The following HNRNPF variants were observed in gnomAD, a reference collection of about 807,000 sequenced individuals.
HNRNPF encodes heterogeneous nuclear ribonucleoprotein F.
HNRNPF carries 2 observed loss-of-function variants against 26.0 expected under a neutral mutation model. The ratio of observed to expected loss-of-function variants is 0.08; its 90% CI spans 0.03 to 0.24. The LOEUF is 0.24. HNRNPF is among the 10% of genes least tolerant of loss of function. HNRNPF has a pLI of 1.00. For synonymous variants in HNRNPF, 234 were observed against 211.5 expected, an observed-to-expected ratio of 1.11 and a Z score of -0.92; for missense variants, 299 against 539.2, an observed-to-expected ratio of 0.55 and a Z score of 4.41.
chr10:43,401,500 TAATA>T (rs904009405), intron 1 of HNRNPF, among the ~76,000 whole-genome samples: 21 of 152,170 alleles, frequency 1.4e-4, no homozygotes, highest in Non-Finnish European at 8.8e-5. Context: ...CTTAAAACGT[TAATA>T]AAAAGCAAAA....
chr10:43,391,548 C>T (rs1326529189), intron 3 of HNRNPF, among the ~76,000 whole-genome samples: 1 of 152,142 alleles, frequency 6.6e-6, no homozygotes, highest in Non-Finnish European at 1.5e-5. Context: ...ACTGTCCTAC[C>T]CCAGCACCCT....
At chr10:43,394,146 A>G (rs1281600983) in intron 3 of HNRNPF, among the ~76,000 whole-genome samples, 3 of 152,222 alleles carry the variant, frequency 2.0e-5, no homozygotes, top group Non-Finnish European at 4.4e-5. Context: ...AGCTGGTCCA[A>G]GATTAGCCAG....
intron 1 of HNRNPF, among the ~76,000 whole-genome samples, chr10:43,398,141 C>G (rs994781498): frequency 3.9e-5 from 6 of 152,020 alleles, no homozygotes; most frequent in African/African-American, 1.5e-4. Context: ...GATTCTCCTG[C>G]CTCAGCCTCC....
intron 1 of HNRNPF, among the ~76,000 whole-genome samples, chr10:43,406,121 AAG>A (rs1333256609): frequency 6.6e-6 from 1 of 152,176 alleles, no homozygotes; most frequent in Non-Finnish European, 1.5e-5. Context: ...AGGACCTAGT[AAG>A]AGTCAACTAA....
At chr10:43,402,174 T>C (rs1838772746) in intron 1 of HNRNPF, among the ~76,000 whole-genome samples, 1 of 152,014 alleles carries the variant, frequency 6.6e-6, no homozygotes, top group African/African-American at 2.4e-5. Context: ...ATTTAAAAGT[T>C]AGTAATGAAT....
At position 43,386,713 on chromosome 10, in the gene HNRNPF, CCACTGTAAGTGG is replaced by C; in HGVS notation, c.1160_1171del (p.Ala387_Ser390del). On this transcript the variant is annotated inframe_deletion, in exon 4 of 4. Coordinates refer to ENST00000682386, the MANE Select transcript of HNRNPF (RefSeq NM_001098204.2). ...GCCACTCACTGACTGGCTCTCCAGG[CCACTGTAAGTGG>C]CCTGGGCAGCAGACACCCCCATGCC... The C allele has an allele frequency of 6.2e-7, 1 of 1,613,888 alleles. No individual in the cohort carries two copies. Among genetic ancestry groups the C allele is most frequent in the Non-Finnish European group, 8.5e-7 (1 of 1,179,970 alleles).
intron 1 of HNRNPF, among the ~76,000 whole-genome samples, chr10:43,407,194 C>G (rs1838947613): frequency 6.6e-6 from 1 of 151,282 alleles, no homozygotes; most frequent in Non-Finnish European, 1.5e-5. Flanking sequence ...GCCCTGACCC[C>G]GGCGCAGGGC....
intron 1 of HNRNPF, among the ~76,000 whole-genome samples, chr10:43,398,588 C>T (rs1838647883): frequency 6.6e-6 from 1 of 152,104 alleles, no homozygotes; most frequent in Non-Finnish European, 1.5e-5. Flanking sequence ...GATCCACCCA[C>T]TTCAGCCTCT....
intron 1 of HNRNPF, among the ~76,000 whole-genome samples, chr10:43,404,458 T>A (rs1838849624): frequency 6.6e-6 from 1 of 152,192 alleles, no homozygotes; most frequent in African/African-American, 2.4e-5. Flanking sequence ...TGATCATTAA[T>A]AGCTGCTGTA....
intron 1 of HNRNPF, among the ~76,000 whole-genome samples, chr10:43,398,361 A>C (rs1431733326): frequency 1.4e-5 from 1 of 73,704 alleles, no homozygotes; most frequent in Non-Finnish European, 2.4e-5. Context: ...TTTTTTTTTG[A>C]GAGACAGTCT....
At chr10:43,403,758 G>A (rs1838825427) in intron 1 of HNRNPF, among the ~76,000 whole-genome samples, 2 of 152,072 alleles carry the variant, frequency 1.3e-5, no homozygotes. Flanking sequence ...CAGCACTTTG[G>A]GAGGCCGAGG....
chr10:43,396,501 G>A lies in HNRNPF; in HGVS notation c.-157C>T, dbSNP rs1000173525. The A allele has an allele frequency of 1.3e-5, 2 of 152,358 alleles. No individual in the cohort carries two copies. The highest frequency in any genetic ancestry group is 1.3e-4 in the Admixed American group (2 of 15,284). 9.4% of individuals were successfully genotyped at this position (152,358 alleles called of 1,614,324 possible). On this transcript the variant is annotated 5_prime_UTR_variant, in exon 2 of 4. Transcript: ENST00000682386. ...GTTTCTGTTGCTACCAGGCAAGCGC[G>A]GCTGGCAGCCAAGAGCCCCGAAATT...
At chr10:43,407,897 C>CGCG (rs1340585874) in intron 1 of HNRNPF, 3 of 152,146 alleles carry the variant, frequency 2.0e-5, no homozygotes, top group African/African-American at 4.8e-5. Context: ...CACGTGAGCG[C>CGCG]GCGGCTTTCA....
chr10:43,391,157 A>G (rs1312980541), intron 3 of HNRNPF, among the ~76,000 whole-genome samples: 4 of 152,108 alleles, frequency 2.6e-5, no homozygotes, highest in African/African-American at 7.2e-5. Context: ...GCCGGGCGTG[A>G]TGGTGGGCAC....
chr10:43,405,639 AG>A (rs1838891624), intron 1 of HNRNPF, among the ~76,000 whole-genome samples: 1 of 151,578 alleles, frequency 6.6e-6, no homozygotes, highest in African/African-American at 2.4e-5. Context: ...CTGGGTGACA[AG>A]AGCAAGATTC....
intron 1 of HNRNPF, 98 bp downstream of exon 1, chr10:43,409,033 T>C (rs953612695): frequency 1.3e-5 from 2 of 152,066 alleles, no homozygotes; most frequent in African/African-American, 4.8e-5. Flanking sequence ...CTCAGCCCTT[T>C]GCCCTGGACA....
intron 1 of HNRNPF, among the ~76,000 whole-genome samples, chr10:43,398,941 A>T (rs1424428183): frequency 6.6e-6 from 1 of 152,242 alleles, no homozygotes; most frequent in Middle Eastern, 3.2e-3. Flanking sequence ...CTACAAGGAC[A>T]AATGAGCCAG....
At chr10:43,397,567 C>T (rs113482391) in intron 1 of HNRNPF, among the ~76,000 whole-genome samples, 63 of 152,208 alleles carry the variant, frequency 4.1e-4, no homozygotes, top group Middle Eastern at 6.8e-3. Flanking sequence ...TCTGGGAGGC[C>T]GCCTCTAAAA....
chr10:43,391,935 T>A (rs933728410), intron 3 of HNRNPF, among the ~76,000 whole-genome samples: 5 of 152,128 alleles, frequency 3.3e-5, no homozygotes, highest in African/African-American at 1.2e-4. Flanking sequence ...TCACTTCCAC[T>A]CCCCTCCATT....
Sources: gnomAD v4.1 joint callset for allele counts (sites outside exome capture counted in the v4.1 genomes callset) on GRCh38, gnomAD v4.1.1 for gene constraint, MANE v1.5 for transcripts, NCBI Gene and HGNC (gene_info 2026-07-23, HGNC 2026-07-21) for gene names.